PAM: variants seen among roughly 807,000 people sequenced by gnomAD.
PAM encodes the protein peptidyl-glycine alpha-amidating monooxygenase.
Under a neutral mutation model 122.1 loss-of-function variants are expected in PAM, and 72 were observed. That is an observed-to-expected ratio of 0.59 (90% confidence interval 0.49 to 0.72). The LOEUF is 0.72. PAM is among the 30% of genes least tolerant of loss of function. The probability of loss-of-function intolerance (pLI) is 0.00; values close to 1 mark genes in which losing one functional copy is unlikely to be tolerated. For synonymous variants in PAM, 389 were observed against 404.4 expected (o/e 0.96, Z 0.46); for missense variants, 1,106 against 1,183.7 (o/e 0.93, Z 0.96).
At chr5:103,012,344 G>T (rs1283124585) in intron 21 of PAM, among the ~76,000 whole-genome samples, 2 of 152,206 alleles carry the variant, frequency 1.3e-5, no homozygotes, top group Non-Finnish European at 2.9e-5. Context: ...TGCCCAGACA[G>T]ATGTCCTGAA....
rs35149404 is a variant in PAM, at chr5:102,782,725, C to CTGTGTG, written c.-374+27407_-374+27412dup. Reference sequence around the variant, plus strand: ...CATTTCTCTCTCTCTCTCTCTCTCTCTGTGTGTGTGTGTGTGTGTGTGTGT... The same window carrying CTGTGTG: ...CATTTCTCTCTCTCTCTCTCTCTCTCTGTGTGTGTGTGTGTGTGTGTGTGTGTGTGT... On this transcript the variant is annotated intron_variant, in intron 1 of 25. Transcript: ENST00000438793. Among the ~76,000 whole-genome samples the CTGTGTG allele has an allele frequency of 9.8e-3, 1,376 of 140,140 alleles. 15 individuals are homozygous for CTGTGTG. Among genetic ancestry groups the CTGTGTG allele is most frequent in the Middle Eastern group, 0.022 (6 of 272 alleles). The allele number at this position is 140,140 out of a possible 152,430, so 91.9% of individuals were successfully genotyped here.
chr5:103,018,696 A>G (rs578013137), intron 22 of PAM, among the ~76,000 whole-genome samples: 1 of 152,334 alleles, frequency 6.6e-6, no homozygotes, highest in South Asian at 2.1e-4. Context: ...ACTTTGAAAG[A>G]TGGAGAAGAC....
At chr5:102,898,178 C>T (rs1209549266) in intron 3 of PAM, among the ~76,000 whole-genome samples, 1 of 151,528 alleles carries the variant, frequency 6.6e-6, no homozygotes, top group Non-Finnish European at 1.5e-5. Context: ...ATATCCCTCT[C>T]GATTCAGATT....
intron 23 of PAM, among the ~76,000 whole-genome samples, chr5:103,023,161 C>A (rs1784078877): frequency 6.6e-6 from 1 of 152,060 alleles, no homozygotes. Flanking sequence ...TCTGTGAATG[C>A]TAAACTGATT....
intron 1 of PAM, among the ~76,000 whole-genome samples, chr5:102,853,785 A>G (rs888164340): frequency 6.6e-6 from 1 of 152,254 alleles, no homozygotes; most frequent in Admixed American, 6.5e-5. Context: ...TCATTGGCTC[A>G]GAATCCACAG....
At chr5:102,978,851 A>T (rs1768666765) in intron 15 of PAM, among the ~76,000 whole-genome samples, 1 of 151,988 alleles carries the variant, frequency 6.6e-6, no homozygotes, top group South Asian at 2.1e-4. Context: ...AAAAACACCT[A>T]TACATAGCAC....
At position 102,933,041 on chromosome 5, in the gene PAM, C is replaced by T. The variant is rs577629075; in HGVS notation, c.526+6373C>T. On this transcript the variant is annotated intron_variant, in intron 7 of 25. Transcript: ENST00000438793. ...CAAAAGTCTGCCCTCATAGAGTTCCCGTCCAGTGAGCATAAGTACACTTAA... is the reference window on the plus strand; with the variant it reads ...CAAAAGTCTGCCCTCATAGAGTTCCTGTCCAGTGAGCATAAGTACACTTAA... Among the ~76,000 whole-genome samples the T allele has an allele frequency of 5.9e-5, 9 of 152,244 alleles. No individual in the cohort carries two copies. The East Asian group carries it at 1.3e-3, about 23-fold the overall frequency.
intron 1 of PAM, among the ~76,000 whole-genome samples, chr5:102,787,255 C>T (rs1760783401): frequency 6.6e-6 from 1 of 152,036 alleles, no homozygotes; most frequent in Admixed American, 6.6e-5. Flanking sequence ...GTATTTGCAT[C>T]TCTAGGTCCC....
chr5:102,801,248 G>T (rs2150088686), intron 1 of PAM, among the ~76,000 whole-genome samples: 1 of 152,102 alleles, frequency 6.6e-6, no homozygotes, highest in East Asian at 1.9e-4. Context: ...AGGTTTTCTT[G>T]TAATTTATAT....
intron 16 of PAM, among the ~76,000 whole-genome samples, chr5:102,996,932 G>A (rs1053674296): frequency 6.6e-6 from 1 of 151,964 alleles, no homozygotes; most frequent in Non-Finnish European, 1.5e-5. Context: ...TGTTAGCTTT[G>A]TGTCATTTTT....
intron 3 of PAM, among the ~76,000 whole-genome samples, chr5:102,894,057 T>C (rs530660695): frequency 5.3e-5 from 8 of 151,812 alleles, no homozygotes; most frequent in Non-Finnish European, 1.0e-4. Context: ...TTGTGGTGAC[T>C]GCTATGTACC....
chr5:102,816,361 G>A (rs1436227795), intron 1 of PAM, among the ~76,000 whole-genome samples: 1 of 152,148 alleles, frequency 6.6e-6, no homozygotes, highest in Admixed American at 6.6e-5. Flanking sequence ...TAGGAGGAGA[G>A]AGAAGATGAG....
At chr5:102,889,272 G>A (rs1794067287) in intron 3 of PAM, among the ~76,000 whole-genome samples, 1 of 151,926 alleles carries the variant, frequency 6.6e-6, no homozygotes, top group African/African-American at 2.4e-5. Flanking sequence ...GGCAGCAGGA[G>A]GATAAGGAGG....
At chr5:102,863,239 G>A (rs1044943398) in intron 1 of PAM, among the ~76,000 whole-genome samples, 2 of 152,092 alleles carry the variant, frequency 1.3e-5, no homozygotes, top group Non-Finnish European at 1.5e-5. Flanking sequence ...TTGAGTCTAG[G>A]AGGCAGAAAT....
chr5:103,006,542 A>G (rs975576836), intron 18 of PAM, among the ~76,000 whole-genome samples: 1 of 152,206 alleles, frequency 6.6e-6, no homozygotes. Flanking sequence ...GTATCCATGT[A>G]CTAGTCTCCA....
intron 1 of PAM, among the ~76,000 whole-genome samples, chr5:102,830,686 T>A (rs1432534738): frequency 6.6e-6 from 1 of 152,116 alleles, no homozygotes; most frequent in Non-Finnish European, 1.5e-5. Context: ...CACCCTAACA[T>A]GTGATTTAAC....
chr5:103,003,891 G>A (rs907032313), intron 17 of PAM, among the ~76,000 whole-genome samples: 9 of 151,468 alleles, frequency 5.9e-5, no homozygotes, highest in South Asian at 2.1e-4. Flanking sequence ...CTTATCATGC[G>A]TATGTAATTT....
intron 19 of PAM, 46 bp downstream of exon 19, chr5:103,007,057 A>G (rs1414204837): frequency 7.4e-7 from 1 of 1,360,382 alleles, no homozygotes; most frequent in Non-Finnish European, 1.0e-6. Flanking sequence ...CTTAGCCAGT[A>G]TCACTGGGAA....
At chr5:102,854,676 G>T (rs955683483) in intron 1 of PAM, among the ~76,000 whole-genome samples, 19 of 152,020 alleles carry the variant, frequency 1.2e-4, no homozygotes, top group African/African-American at 4.4e-4. Context: ...TTAAAAACTG[G>T]GAAAGAACAA....
Sources: gnomAD v4.1 joint callset for allele counts (sites outside exome capture counted in the v4.1 genomes callset) on GRCh38, gnomAD v4.1.1 for gene constraint, MANE v1.5 for transcripts, NCBI Gene and HGNC (gene_info 2026-07-23, HGNC 2026-07-21) for gene names.